Variants in APEH observed in about 807,000 individuals in gnomAD.
APEH encodes acylaminoacyl-peptide hydrolase.
Under a neutral mutation model 102.7 loss-of-function variants are expected in APEH, and 75 were observed. That is an observed-to-expected ratio of 0.73 (90% CI 0.61 to 0.89). The LOEUF (loss-of-function observed/expected upper bound fraction) is 0.89, where lower values mean the gene tolerates loss of function less well. Among genes scored for constraint, APEH ranks in the 40% least tolerant of loss-of-function variants. The pLI is 0.00. For synonymous variants in APEH, 344 were observed against 362.7 expected (o/e 0.95, Z 0.59); for missense variants, 863 against 941.2 (o/e 0.92, Z 1.09).
At position 49,681,962 on chromosome 3, in the gene APEH, T is replaced by C; in HGVS notation, c.1598T>C (p.Leu533Pro). 4 of 1,613,638 alleles carry C rather than the reference T, an allele frequency of 2.5e-6. No homozygotes were observed. The highest frequency in any genetic ancestry group is 2.5e-6 in the Non-Finnish European group (3 of 1,179,528). ...AMLCKMGFAV[L>P]LVNYRGSTGF... ...CTTTGCAAGATGGGCTTTGCGGTAC[T>C]ACTAGGTGAGTGAGCAGGGACCCAC... The change falls in exon 17 of 22, where the codon CTA becomes CCA. Residue 533 changes from leucine (L) to proline (P), a missense_variant. Physicochemically the swap from Leu to Pro is moderately conservative, Grantham distance 98. Coordinates refer to ENST00000296456, the MANE Select transcript of APEH (RefSeq NM_001640.4).
chr3:49,682,384 G>C lies in APEH; in HGVS notation c.1640G>C (p.Ser547Thr). 1 of 1,614,030 alleles carries C rather than the reference G, an allele frequency of 6.2e-7. No individual in the cohort carries two copies. The highest frequency in any genetic ancestry group is 8.5e-7 in the Non-Finnish European group (1 of 1,179,942). The change falls in exon 18 of 22, where the codon AGC becomes ACC. Residue 547 changes from serine to threonine, a missense_variant. Physicochemically the swap from Ser to Thr is moderately conservative, Grantham distance 58. Transcript: ENST00000296456. ...GGCTCCACGGGCTTTGGCCAGGACA[G>C]CATCCTCTCCCTCCCAGGCAATGTG... ...YRGSTGFGQD[S>T]ILSLPGNVGH...
Position 49,678,045 on chromosome 3 carries a change from C to T in APEH, c.1060+412C>T, listed in dbSNP as rs1417191697. The stretch of plus-strand genomic sequence containing the variant: ...TCTGGACCCGAGGGCATGATATTAT[C>T]CCATCCACCATCCTAACCCCAGCAA... On this transcript the variant is annotated intron_variant, in intron 11 of 21. Coordinates refer to ENST00000296456, the MANE Select transcript of APEH (RefSeq NM_001640.4). 2.0e-5 allele frequency among the ~76,000 whole-genome samples: 3 copies of T among 152,178 alleles called. No homozygotes were observed. The East Asian group carries it at 5.8e-4, about 29-fold the overall frequency.
At chr3:49,681,003 G>A in intron 14 of APEH, 98 bp from the exon 15 acceptor site, 4 of 1,446,022 alleles carry the variant, frequency 2.8e-6, no homozygotes, top group Non-Finnish European at 3.7e-6. Flanking sequence ...TGGGTAGAGG[G>A]CCCAGCATAG....
In APEH at chr3:49,677,622, G is replaced by T; in HGVS notation, c.1049G>T (p.Arg350Leu). The T allele has an allele frequency of 6.2e-7, 1 of 1,613,746 alleles. No individual in the cohort carries two copies. The change falls in exon 11 of 22, where the codon CGG becomes CTG. Residue 350 changes from arginine to leucine, a missense_variant. Physicochemically the swap from Arg to Leu is moderately radical, Grantham distance 102. Coordinates refer to ENST00000296456, the MANE Select transcript of APEH (RefSeq NM_001640.4). Reference protein sequence around the residue: ...VTSVVVDVVPRQLGENFSGIY... With the variant: ...VTSVVVDVVPLQLGENFSGIY... The stretch of plus-strand genomic sequence containing the variant: ...TCAGTGGTGGTAGATGTTGTGCCTC[G>T]GCAGCTGGGAGGTAAGGCATACCTG...
Position 49,681,134 on chromosome 3 carries a change from C to T in APEH, c.1333C>T (p.Gln445Ter), listed in dbSNP as rs199874838. 6.2e-7 allele frequency: 1 copy of T among 1,604,514 alleles called. No individual in the cohort carries two copies. The highest frequency in any genetic ancestry group is 8.5e-7 in the Non-Finnish European group (1 of 1,174,974). ...GTTCCTGCCTTCTGCAGGGAAGGAG[C>T]AGTCAGTGTTGTGGGTGTCCCTGGA... ...VGFLPSAGKEQSVLWVSLEEA... is the reference protein window; with the variant it reads ...VGFLPSAGKE The change falls in exon 15 of 22, where the codon CAG (glutamine) becomes TAG (stop). Residue 445 changes from glutamine to a stop codon, truncating the protein, a stop_gained. Transcript: ENST00000296456. LOFTEE classifies it high-confidence loss of function.
chr3:49,681,713 T>G lies in APEH; in HGVS notation c.1439-9T>G. 5 of 1,568,136 alleles carry G rather than the reference T, an allele frequency of 3.2e-6. No homozygotes were observed. Among genetic ancestry groups the G allele is most frequent in the Non-Finnish European group, 4.3e-6 (5 of 1,155,068 alleles). On this transcript the variant is annotated splice_polypyrimidine_tract_variant and intron_variant, in intron 15 of 21. Transcript: ENST00000296456. ...GCTCACCCTGCTGACTGCTGCCCTC[T>G]CCCTGCAGCTGGCCTTGACTTTGAA...
chr3:49,674,374 G>A lies in APEH; in HGVS notation c.-28G>A, dbSNP rs773970427. The A allele has an allele frequency of 6.4e-7, 1 of 1,560,656 alleles. No individual in the cohort carries two copies. Among genetic ancestry groups the A allele is most frequent in the Non-Finnish European group, 8.6e-7 (1 of 1,160,266 alleles). On this transcript the variant is annotated 5_prime_UTR_variant, in exon 1 of 22. Coordinates refer to ENST00000296456, the MANE Select transcript of APEH (RefSeq NM_001640.4). ...TCACTTCCGGGCGCGAGCACGCCCC[G>A]CCTCGCCCCGGCGGCAGAGAGGAGA...
At chr3:49,673,411 G>A (rs1210978707), upstream of APEH, among the ~76,000 whole-genome samples, 1 of 152,070 alleles carries the variant, frequency 6.6e-6, no homozygotes, top group African/African-American at 2.4e-5. Flanking sequence ...GAGCCCACCA[G>A]GCCTTTCACA....
intron 3 of APEH, 27 bp from the exon 4 acceptor site, chr3:49,675,667 C>T: frequency 6.3e-7 from 1 of 1,592,028 alleles, no homozygotes; most frequent in Non-Finnish European, 8.6e-7. Flanking sequence ...CAAGATAATC[C>T]TGACCTGTGC....
At chr3:49,680,450 T>TA (rs1395249717) in intron 13 of APEH, 91 bp from the exon 14 acceptor site, 1 of 1,207,404 alleles carries the variant, frequency 8.3e-7, no homozygotes, top group African/African-American at 1.5e-5. Context: ...CACCTTTCCA[T>TA]AGAGTCTCCA....
At position 49,676,137 on chromosome 3, in the gene APEH, C is replaced by T. The variant is rs1175573466; in HGVS notation, c.524C>T (p.Ser175Phe). ...VAEKKRPKAE[S>F]FFQTKALDVS... Reference sequence around the variant, plus strand: ...GAGAAGAAGCGCCCCAAGGCCGAGTCCTTCTTTCAGACCAAAGCCTTGGAC... The same window carrying T: ...GAGAAGAAGCGCCCCAAGGCCGAGTTCTTCTTTCAGACCAAAGCCTTGGAC... The change falls in exon 6 of 22, where the codon TCC (serine) becomes TTC (phenylalanine). Residue 175 changes from serine (S) to phenylalanine (F), a missense_variant. Transcript: ENST00000296456. 1 of 1,614,222 alleles carries T rather than the reference C, an allele frequency of 6.2e-7. No individual in the cohort carries two copies. Among genetic ancestry groups the T allele is most frequent in the Non-Finnish European group, 8.5e-7 (1 of 1,180,040 alleles).
chr3:49,683,322 C>T lies in APEH; in HGVS notation c.2179C>T (p.Arg727Cys), dbSNP rs1410919552. 14 of 1,613,388 alleles carry T rather than the reference C, an allele frequency of 8.7e-6. No individual in the cohort carries two copies. Among genetic ancestry groups the T allele is most frequent in the Middle Eastern group, 3.3e-4 (2 of 6,076 alleles). The change falls in exon 22 of 22, where the codon CGC (arginine) becomes TGC (cysteine). Residue 727 changes from arginine to cysteine, a missense_variant. Transcript: ENST00000296456. Reference protein sequence around the residue: ...DSFMNAVLWLRTHLGS With the variant: ...DSFMNAVLWLCTHLGS ...CTTCATGAATGCTGTGCTCTGGCTA[C>T]GCACACACTTGGGCAGCTGAAGCCC...
rs2053237957 is a variant in APEH at position 49,679,828 on chromosome 3, A to G, written c.1210+184A>G. 1.5e-5 allele frequency: 9 copies of G among 591,136 alleles called. No individual in the cohort carries two copies. The South Asian group carries it at 1.7e-4, about 11-fold the overall frequency. The allele number at this position is 591,136 out of a possible 1,614,324, so 36.6% of individuals were successfully genotyped here. A position where few individuals can be genotyped will look rare whatever the true frequency, so the allele number is the denominator to read the frequency against. ...CCCTGTCTGTGCAGACCCTTACCCAACCAACAGACTAGCTTCCCTGCTCTA... is the reference window on the plus strand; with the variant it reads ...CCCTGTCTGTGCAGACCCTTACCCAGCCAACAGACTAGCTTCCCTGCTCTA... On this transcript the variant is annotated intron_variant, in intron 13 of 21. Transcript: ENST00000296456. The surrounding 1 kb of genome is among the most constrained non-coding windows in gnomAD (Gnocchi z 4.3).
intron 12 of APEH, 25 bp downstream of exon 12, chr3:49,678,974 G>A: frequency 6.3e-7 from 1 of 1,597,790 alleles, no homozygotes; most frequent in South Asian, 1.1e-5. Context: ...TTGTGTTGAG[G>A]GGCAGCCCCT....
chr3:49,673,865 CGCAGG>C (rs2052886996), upstream of APEH: 1 of 151,690 alleles, frequency 6.6e-6, no homozygotes, highest in African/African-American at 2.5e-5. Context: ...CCACATTCCT[CGCAGG>C]GCTCCAATCC....
At chr3:49,676,756 G>C (rs1201995247) in intron 8 of APEH, 21 bp from the exon 9 acceptor site, 1 of 1,614,230 alleles carries the variant, frequency 6.2e-7, no homozygotes, top group Non-Finnish European at 8.5e-7. Context: ...TTGAGACTGA[G>C]TGTCTGTCTC....
At position 49,682,913 on chromosome 3, in the gene APEH, C is replaced by T. The variant is rs776446780; in HGVS notation, c.1954C>T (p.Leu652=). 6.2e-7 allele frequency: 1 copy of T among 1,614,040 alleles called. No homozygotes were observed. Among genetic ancestry groups the T allele is most frequent in the South Asian group, 1.1e-5 (1 of 91,078 alleles). The change falls in exon 20 of 22, where the codon CTG becomes TTG. Residue 652 remains leucine (L), a synonymous_variant. Transcript: ENST00000296456. ...AGACCTCAGCGTGTGGGCTGAGATG[C>T]TGGACAAATCGCCCATCAGATACAT... The part of the protein sequence containing the change: ...LPDLSVWAEM[L]DKSPIRYIPQ...
At chr3:49,676,015 G>T in intron 5 of APEH, 41 bp from the exon 6 acceptor site, 1 of 1,614,120 alleles carries the variant, frequency 6.2e-7, no homozygotes, top group Non-Finnish European at 8.5e-7. Flanking sequence ...AGGGGTAGCC[G>T]TAGCCCTGGG....
Position 49,681,970 on chromosome 3 carries a change from G to C in APEH, c.1603+3G>C. 6.2e-7 allele frequency: 1 copy of C among 1,612,396 alleles called. No individual in the cohort carries two copies. The highest frequency in any genetic ancestry group is 8.5e-7 in the Non-Finnish European group (1 of 1,178,420). ...GATGGGCTTTGCGGTACTACTAGGT[G>C]AGTGAGCAGGGACCCACAGTTCTGT... On this transcript the variant is annotated splice_donor_region_variant and intron_variant, in intron 17 of 21. Transcript: ENST00000296456.
Sources: gnomAD v4.1 joint callset for allele counts (sites outside exome capture counted in the v4.1 genomes callset) on GRCh38, gnomAD v4.1.1 for gene constraint, Gnocchi (gnomAD v3.1) non-coding constraint, MANE v1.5 for transcripts, NCBI Gene and HGNC (gene_info 2026-07-23, HGNC 2026-07-21) for gene names.